TRPM3: variants seen among roughly 807,000 people sequenced by gnomAD.
TRPM3 encodes transient receptor potential cation channel subfamily M member 3.
TRPM3 carries 77 observed loss-of-function variants against 181.2 expected under a neutral mutation model. That is an observed-to-expected ratio of 0.42 (90% confidence interval 0.35 to 0.51). The LOEUF (loss-of-function observed/expected upper bound fraction) is 0.51. Among genes scored for constraint, TRPM3 ranks in the 20% least tolerant of loss-of-function variants. The pLI is 0.01. For missense variants in TRPM3, 1,759 were observed against 2,196.7 expected, an observed-to-expected ratio of 0.80 and a Z score of 3.98; for synonymous variants, 745 against 796.4, an observed-to-expected ratio of 0.94 and a Z score of 1.09.
At chr9:70,869,988 T>G (rs1247104324) in intron 1 of TRPM3, among the ~76,000 whole-genome samples, 1 of 152,062 alleles carries the variant, frequency 6.6e-6, no homozygotes, top group Non-Finnish European at 1.5e-5. Flanking sequence ...AAATACTTTT[T>G]AAAAAGTGAG....
chr9:70,793,852 G>A (rs562540216), intron 6 of TRPM3, among the ~76,000 whole-genome samples: 1 of 152,154 alleles, frequency 6.6e-6, no homozygotes, highest in East Asian at 1.9e-4. Context: ...TAAATTACAT[G>A]AAATATTCAA....
At chr9:71,167,920 C>G (rs2076617364) in intron 1 of TRPM3, among the ~76,000 whole-genome samples, 1 of 152,032 alleles carries the variant, frequency 6.6e-6, no homozygotes, top group African/African-American at 2.4e-5. Context: ...TTTTATAATG[C>G]CAATAGCTGT....
At chr9:71,024,190 A>C (rs2097871083) in intron 1 of TRPM3, among the ~76,000 whole-genome samples, 1 of 152,196 alleles carries the variant, frequency 6.6e-6, no homozygotes, top group Non-Finnish European at 1.5e-5. Context: ...AAAACATATA[A>C]ATAAAAACAC....
rs117037187 is a variant in TRPM3, at chr9:71,312,183, G to C, written c.183+134470C>G. 5.7e-3 allele frequency among the ~76,000 whole-genome samples: 869 copies of C among 152,212 alleles called. 31 individuals are homozygous for C. The East Asian group carries it at 0.11, about 20-fold the overall frequency. On this transcript the variant is annotated intron_variant, in intron 1 of 24. Transcript: ENST00000357533. ...CAAAAGATATATCTGATAAAGGACT[G>C]TTACCCAAAATATATTAAGATCTCT... is the stretch of plus-strand genomic sequence containing the variant.
chr9:70,625,177 G>A lies in TRPM3; in HGVS notation c.1809+14C>T, dbSNP rs757299321. The stretch of plus-strand genomic sequence containing the variant: ...TCCTCCCAGGAAGGGCCCCGAATTT[G>A]CAGCCAGCCTCACCCTCTTGGGGCC... On this transcript the variant is annotated intron_variant, in intron 14 of 25. Coordinates refer to ENST00000677713, the MANE Select transcript of TRPM3 (RefSeq NM_001366145.2). The surrounding 1 kb of genome is among the most constrained non-coding windows in gnomAD (Gnocchi z 4.8). The A allele has an allele frequency of 5.5e-5, 88 of 1,613,728 alleles. 2 individuals carry two copies. In the South Asian group the frequency reaches 9.3e-4, roughly 17 times the overall value.
At chr9:70,986,220 C>T (rs897267010) in intron 1 of TRPM3, among the ~76,000 whole-genome samples, 2 of 151,976 alleles carry the variant, frequency 1.3e-5, no homozygotes, top group African/African-American at 4.8e-5. Context: ...TAAAATTAGC[C>T]AGGCATGGTG....
At position 71,098,742 on chromosome 9, in the gene TRPM3, A is replaced by G. The variant is rs374822512; in HGVS notation, c.177+22436T>C. On this transcript the variant is annotated intron_variant, in intron 1 of 25. Coordinates refer to ENST00000677713, the MANE Select transcript of TRPM3 (RefSeq NM_001366145.2). ...GGATATAATTGTAGCATAATTCTCTATTTATAACCTCAAAAACTGGAAGAT... is the reference window on the plus strand; with the variant it reads ...GGATATAATTGTAGCATAATTCTCTGTTTATAACCTCAAAAACTGGAAGAT... Among the ~76,000 whole-genome samples, 5 of 152,242 alleles carry G rather than the reference A, an allele frequency of 3.3e-5. No individual in the cohort carries two copies. In the East Asian group the frequency reaches 7.7e-4, roughly 24 times the overall value.
At chr9:70,845,002 A>C in intron 4 of TRPM3, among the ~76,000 whole-genome samples, 1 of 152,214 alleles carries the variant, frequency 6.6e-6, no homozygotes, top group East Asian at 1.9e-4. Flanking sequence ...TTACTACAGG[A>C]TAAGGAGTAA....
intron 1 of TRPM3, among the ~76,000 whole-genome samples, chr9:71,133,469 T>C (rs2074507347): frequency 1.3e-5 from 2 of 151,954 alleles, no homozygotes; most frequent in South Asian, 2.1e-4. Flanking sequence ...CCAGCTAATT[T>C]TGTATTTTTA....
chr9:71,169,297 C>A (rs1368353798), intron 1 of TRPM3, among the ~76,000 whole-genome samples: 1 of 152,182 alleles, frequency 6.6e-6, no homozygotes, highest in Non-Finnish European at 1.5e-5. Flanking sequence ...GGCCTCCAGT[C>A]TGCAATACAT....
chr9:70,849,399 C>T (rs942393512), intron 3 of TRPM3, among the ~76,000 whole-genome samples: 16 of 152,060 alleles, frequency 1.1e-4, no homozygotes, highest in African/African-American at 3.4e-4. Flanking sequence ...CCCACCTCGG[C>T]CTCTCAAAGT....
At chr9:70,868,089 A>G (rs1483652429) in intron 1 of TRPM3, among the ~76,000 whole-genome samples, 24 of 152,020 alleles carry the variant, frequency 1.6e-4, no homozygotes, top group Non-Finnish European at 1.5e-5. Context: ...CTTTTTAAAT[A>G]TGCTTTGGAA....
intron 22 of TRPM3, among the ~76,000 whole-genome samples, chr9:70,570,890 A>G (rs1308959249): frequency 6.6e-6 from 1 of 152,188 alleles, no homozygotes; most frequent in Non-Finnish European, 1.5e-5. Context: ...TTTATAGTCT[A>G]TCTTCCAATC....
chr9:70,822,748 A>G (rs564218862), intron 6 of TRPM3, among the ~76,000 whole-genome samples: 5 of 133,672 alleles, frequency 3.7e-5, no homozygotes, highest in Admixed American at 3.3e-4. Flanking sequence ...TTTCAAAAAC[A>G]AAGATTTGTC....
intron 1 of TRPM3, among the ~76,000 whole-genome samples, chr9:71,428,937 C>T (rs1252958050): frequency 8.0e-6 from 1 of 125,016 alleles, no homozygotes; most frequent in Non-Finnish European, 1.7e-5. Flanking sequence ...AAGTGGGACC[C>T]TGTTTCAAAG....
chr9:71,185,810 A>G (rs1428803548), intron 1 of TRPM3, among the ~76,000 whole-genome samples: 1 of 152,096 alleles, frequency 6.6e-6, no homozygotes, highest in African/African-American at 2.4e-5. Context: ...AGCACCTTAC[A>G]TAGAATGGAC....
chr9:70,639,298 G>C, intron 10 of TRPM3, 104 bp from the exon 11 acceptor site: 1 of 1,312,674 alleles, frequency 7.6e-7, no homozygotes. Context: ...TTGACATCTG[G>C]TAAACCTTCA....
chr9:70,679,033 A>C (rs2064765887), intron 9 of TRPM3, among the ~76,000 whole-genome samples: 1 of 152,250 alleles, frequency 6.6e-6, no homozygotes, highest in South Asian at 2.1e-4. Flanking sequence ...GATGGTGATT[A>C]GAAATGTTAA....
At chr9:70,937,327 C>T (rs951628983) in intron 1 of TRPM3, among the ~76,000 whole-genome samples, 3 of 152,190 alleles carry the variant, frequency 2.0e-5, no homozygotes, top group Non-Finnish European at 4.4e-5. Context: ...AATCTTTCAT[C>T]TCCCTCTTTG....
Sources: gnomAD v4.1 joint callset for allele counts (sites outside exome capture counted in the v4.1 genomes callset) on GRCh38, gnomAD v4.1.1 for gene constraint, Gnocchi (gnomAD v3.1) non-coding constraint, MANE v1.5 for transcripts, NCBI Gene and HGNC (gene_info 2026-07-23, HGNC 2026-07-21) for gene names.